Variants in ITGB1 observed in about 807,000 individuals in gnomAD.
ITGB1 encodes integrin subunit beta 1.
In ITGB1, 24 loss-of-function variants were observed where a neutral mutation model predicts 86.5. The observed-to-expected ratio is 0.28, with a 90% CI of 0.20 to 0.39. The LOEUF (loss-of-function observed/expected upper bound fraction) is 0.39. Ranked by LOEUF, ITGB1 falls within the 10% of genes least tolerant of loss-of-function variation. ITGB1 has a pLI of 1.00. For missense variants in ITGB1, 556 were observed against 946.9 expected (o/e 0.59, Z 5.42); for synonymous variants, 323 against 316.8 (o/e 1.02, Z -0.21).
At chr10:32,908,014 T>C (rs1219797153) in intron 15 of ITGB1, among the ~76,000 whole-genome samples, 4 of 152,124 alleles carry the variant, frequency 2.6e-5, no homozygotes, top group African/African-American at 9.7e-5. Flanking sequence ...TTGTTTGTTT[T>C]AAAGAAAGAA....
At chr10:32,922,830 C>A in intron 7 of ITGB1, 95 bp from the exon 8 acceptor site, 1 of 664,938 alleles carries the variant, frequency 1.5e-6, no homozygotes, top group Admixed American at 3.1e-5. Context: ...TTACACATAA[C>A]TCGATTACAA....
intron 1 of ITGB1, chr10:32,953,880 A>G (rs2095047289): frequency 6.6e-6 from 1 of 152,222 alleles, no homozygotes; most frequent in Admixed American, 6.5e-5. Context: ...CATGCCAATC[A>G]CTGGAAAAAC....
chr10:32,954,333 TCA>T (rs2095048377), intron 1 of ITGB1, among the ~76,000 whole-genome samples: 1 of 152,060 alleles, frequency 6.6e-6, no homozygotes, highest in African/African-American at 2.4e-5. Flanking sequence ...GAAACCAGTG[TCA>T]CACTGGGTTT....
chr10:32,926,323 GCAGAGCC>G (rs1279076617), intron 5 of ITGB1, among the ~76,000 whole-genome samples: 2 of 152,150 alleles, frequency 1.3e-5, no homozygotes, highest in Non-Finnish European at 2.9e-5. Flanking sequence ...GATCATGAGG[GCAGAGCC>G]CTCATGAATG....
chr10:32,943,527 CAAG>C (rs2095024023), intron 1 of ITGB1, among the ~76,000 whole-genome samples: 1 of 151,736 alleles, frequency 6.6e-6, no homozygotes. Context: ...AAAAAGTTAA[CAAG>C]AGGAAAAAGT....
chr10:32,952,987 T>A (rs561870675), intron 1 of ITGB1, among the ~76,000 whole-genome samples: 1 of 152,250 alleles, frequency 6.6e-6, no homozygotes, highest in Non-Finnish European at 1.5e-5. Context: ...CTTCATTTTA[T>A]ATAGCCTTCA....
intron 15 of ITGB1, among the ~76,000 whole-genome samples, chr10:32,904,986 A>G (rs2094892076): frequency 6.6e-6 from 1 of 151,996 alleles, no homozygotes; most frequent in African/African-American, 2.4e-5. Context: ...AAATAACCAC[A>G]TGAAATTGTC....
intron 1 of ITGB1, among the ~76,000 whole-genome samples, chr10:32,940,747 A>C (rs2137249743): frequency 6.6e-6 from 1 of 152,292 alleles, no homozygotes; most frequent in East Asian, 1.9e-4. Flanking sequence ...TTCATTCACA[A>C]ATTTTTTGAC....
At position 32,925,960 on chromosome 10, in the gene ITGB1, T is replaced by C; in HGVS notation, c.697A>G (p.Asn233Asp). 1 of 1,614,138 alleles carries C rather than the reference T, an allele frequency of 6.2e-7. No homozygotes were observed. The highest frequency in any genetic ancestry group is 8.5e-7 in the Non-Finnish European group (1 of 1,179,964). Residue 233 changes from asparagine to aspartate, a missense_variant, in exon 6 of 16, where the codon AAT becomes GAT. Physicochemically the swap from Asn to Asp is conservative, Grantham distance 23. This residue lies in a region of ITGB1 where 183 missense variants were observed against 263.9 expected (regional missense o/e 0.69). Coordinates refer to ENST00000302278, the MANE Select transcript of ITGB1 (RefSeq NM_002211.4). Reference protein sequence around the residue: ...LSLTNKGEVFNELVGKQRISG... With the variant: ...LSLTNKGEVFDELVGKQRISG... ...ATGCGCTGTTTTCCAACAAGTTCAT[T>C]AAATACTTCTCCTTTATTAGTAAGA...
At chr10:32,946,841 T>C (rs2095032438) in intron 1 of ITGB1, among the ~76,000 whole-genome samples, 2 of 139,146 alleles carry the variant, frequency 1.4e-5, no homozygotes, top group African/African-American at 5.1e-5. Context: ...AAAAGAATTA[T>C]AGTAAAGACT....
At chr10:32,908,794 T>C (rs1325258754) in intron 14 of ITGB1, among the ~76,000 whole-genome samples, 2 of 152,108 alleles carry the variant, frequency 1.3e-5, no homozygotes, top group African/African-American at 4.8e-5. Flanking sequence ...TACTACAGAA[T>C]GAAAAAGCAT....
At chr10:32,952,852 T>A (rs2095045233) in intron 1 of ITGB1, among the ~76,000 whole-genome samples, 1 of 152,152 alleles carries the variant, frequency 6.6e-6, no homozygotes, top group African/African-American at 2.4e-5. Context: ...CCCAGCAGAG[T>A]GAATGACAAA....
intron 2 of ITGB1, 168 bp from the exon 3 acceptor site, chr10:32,932,768 A>C (rs989584414): frequency 1.9e-6 from 1 of 525,078 alleles, no homozygotes; most frequent in Non-Finnish European, 3.4e-6. Context: ...TTTTTAATTT[A>C]ATTTTTAATT....
chr10:32,914,199 A>G (rs1427246955), intron 11 of ITGB1, among the ~76,000 whole-genome samples: 1 of 152,256 alleles, frequency 6.6e-6, no homozygotes. Flanking sequence ...GGTACCAGCC[A>G]CTGCAAAAAC....
At chr10:32,945,486 C>T (rs1052879899) in intron 1 of ITGB1, among the ~76,000 whole-genome samples, 5 of 151,894 alleles carry the variant, frequency 3.3e-5, no homozygotes, top group African/African-American at 1.2e-4. Context: ...GTAGTCCCAG[C>T]TACTCGGGAG....
chr10:32,921,860 A>C (rs2094951086), intron 9 of ITGB1, among the ~76,000 whole-genome samples: 1 of 151,166 alleles, frequency 6.6e-6, no homozygotes, highest in African/African-American at 2.4e-5. Flanking sequence ...AGAATTGGCA[A>C]AAAAAAAAAC....
intron 9 of ITGB1, 36 bp from the exon 10 acceptor site, chr10:32,920,421 A>C: frequency 1.3e-6 from 2 of 1,598,644 alleles, no homozygotes; most frequent in Non-Finnish European, 1.7e-6. Context: ...GGAAAAGTCA[A>C]ACAAAATGCT....
chr10:32,912,079 A>ATCTGTGC lies in ITGB1; in HGVS notation c.1508_1514dup (p.Asp505GlufsTer4). On this transcript the variant is annotated frameshift_variant, in exon 12 of 16. Transcript: ENST00000302278. LOFTEE classifies it high-confidence loss of function. ...CATCCATGTCTTCACTGTTAACTTC[A>ATCTGTGC]TCTGTGCTGCATTCACAATGTCTAC... 6.2e-7 allele frequency: 1 copy of ATCTGTGC among 1,614,190 alleles called. No homozygotes were observed. Among genetic ancestry groups the ATCTGTGC allele is most frequent in the Non-Finnish European group, 8.5e-7 (1 of 1,180,022 alleles).
rs180695635 is a variant in ITGB1, at chr10:32,941,390, G to T, written c.1-5832C>A. Among the ~76,000 whole-genome samples the T allele has an allele frequency of 1.3e-3, 205 of 152,252 alleles. 2 individuals carry two copies. The highest frequency in any genetic ancestry group is 4.6e-3 in the African/African-American group (189 of 41,534). ...TTATCCTTATAATTTTCTATTGTAAGTATAAGTTATATTATCTTAAAATCT... is the reference window on the plus strand; with the variant it reads ...TTATCCTTATAATTTTCTATTGTAATTATAAGTTATATTATCTTAAAATCT... On this transcript the variant is annotated intron_variant, in intron 1 of 15. Transcript: ENST00000302278.
Sources: gnomAD v4.1 joint callset for allele counts (sites outside exome capture counted in the v4.1 genomes callset) on GRCh38, gnomAD v4.1.1 for gene constraint, gnomAD v4.1.1 regional missense constraint, MANE v1.5 for transcripts, NCBI Gene and HGNC (gene_info 2026-07-23, HGNC 2026-07-21) for gene names.